The following UBXN7 variants were observed in gnomAD, a reference collection of about 807,000 sequenced individuals.
UBXN7 encodes UBX domain protein 7.
UBXN7 carries 9 observed loss-of-function variants against 58.0 expected under a neutral mutation model. That is an observed-to-expected ratio of 0.16 (90% CI 0.09 to 0.27). UBXN7 has a LOEUF of 0.27. Among genes scored for constraint, UBXN7 ranks in the 10% least tolerant of loss-of-function variants. The probability of loss-of-function intolerance (pLI) is 1.00; values close to 1 mark genes in which losing one functional copy is unlikely to be tolerated. For missense variants in UBXN7, 328 were observed against 599.6 expected (o/e 0.55, Z 4.73); for synonymous variants, 208 against 205.0 (o/e 1.01, Z -0.12).
chr3:196,376,212 A>G (rs944662728), intron 5 of UBXN7, among the ~76,000 whole-genome samples: 1 of 152,172 alleles, frequency 6.6e-6, no homozygotes, highest in Admixed American at 6.5e-5. Flanking sequence ...TAATTTGAAT[A>G]AAACTAAATG....
At chr3:196,427,750 G>A (rs943074087) in intron 1 of UBXN7, among the ~76,000 whole-genome samples, 2 of 152,236 alleles carry the variant, frequency 1.3e-5, no homozygotes, top group African/African-American at 4.8e-5. Flanking sequence ...TATCAGAGGA[G>A]ATCAAACAGT....
At chr3:196,380,739 C>T (rs530848659) in intron 5 of UBXN7, among the ~76,000 whole-genome samples, 1 of 152,346 alleles carries the variant, frequency 6.6e-6, no homozygotes, top group South Asian at 2.1e-4. Flanking sequence ...CAAGGGAAGC[C>T]GTGACAGACT....
chr3:196,419,070 A>G (rs1340322304), intron 1 of UBXN7, among the ~76,000 whole-genome samples: 1 of 152,184 alleles, frequency 6.6e-6, no homozygotes, highest in Non-Finnish European at 1.5e-5. Context: ...GTTGGAGACC[A>G]GCCTGGCCCA....
At chr3:196,397,116 C>G (rs1316911438) in intron 3 of UBXN7, among the ~76,000 whole-genome samples, 2 of 152,174 alleles carry the variant, frequency 1.3e-5, no homozygotes, top group African/African-American at 4.8e-5. Context: ...CTGCTACCTG[C>G]CTTTTCAATG....
At chr3:196,427,027 T>C (rs1730871751) in intron 1 of UBXN7, among the ~76,000 whole-genome samples, 1 of 152,220 alleles carries the variant, frequency 6.6e-6, no homozygotes, top group South Asian at 2.1e-4. Flanking sequence ...CACAAAGCTC[T>C]ATGAATTTCC....
chr3:196,350,508 T>C lies in UBXN7; in HGVS notation c.*6177A>G, dbSNP rs1728184323. The C allele has an allele frequency of 6.6e-6, 1 of 150,700 alleles. No homozygotes were observed. Among genetic ancestry groups the C allele is most frequent in the Non-Finnish European group, 1.5e-5 (1 of 67,562 alleles). The allele number at this position is 150,700 out of a possible 1,614,324, so 9.3% of individuals were successfully genotyped here. ...ACATAGCCAATTACACTAAAAATCATAACTATTTTCAGAGAATGAATGTTA... is the reference window on the plus strand; with the variant it reads ...ACATAGCCAATTACACTAAAAATCACAACTATTTTCAGAGAATGAATGTTA... On this transcript the variant is annotated 3_prime_UTR_variant, in exon 11 of 11. Coordinates refer to ENST00000296328, the MANE Select transcript of UBXN7 (RefSeq NM_015562.2).
At chr3:196,377,101 A>T (rs1729053069) in intron 5 of UBXN7, among the ~76,000 whole-genome samples, 1 of 152,042 alleles carries the variant, frequency 6.6e-6, no homozygotes, top group African/African-American at 2.4e-5. Flanking sequence ...TTCTTTCTGT[A>T]CAATATTCCT....
At chr3:196,416,775 T>C (rs1189363347) in intron 1 of UBXN7, among the ~76,000 whole-genome samples, 1 of 152,222 alleles carries the variant, frequency 6.6e-6, no homozygotes, top group East Asian at 1.9e-4. Flanking sequence ...TAAGGATGTA[T>C]CAATCATTTC....
At chr3:196,394,803 C>T (rs190343609) in intron 3 of UBXN7, among the ~76,000 whole-genome samples, 1 of 152,234 alleles carries the variant, frequency 6.6e-6, no homozygotes, top group African/African-American at 2.4e-5. Flanking sequence ...GGATTGGACC[C>T]ACGTGCAGAA....
At chr3:196,418,273 G>T (rs1322754429) in intron 1 of UBXN7, among the ~76,000 whole-genome samples, 1 of 138,998 alleles carries the variant, frequency 7.2e-6, no homozygotes, top group Non-Finnish European at 1.6e-5. Flanking sequence ...AGGGAGGGAG[G>T]GAAGGAGGGA....
At chr3:196,397,493 G>C (rs1275051345) in intron 3 of UBXN7, 1 of 152,240 alleles carries the variant, frequency 6.6e-6, no homozygotes, top group Non-Finnish European at 1.5e-5. Context: ...AGGGAGTAGT[G>C]GGCTTTTTGT....
chr3:196,429,257 G>A (rs1008174931), intron 1 of UBXN7, among the ~76,000 whole-genome samples: 10 of 151,766 alleles, frequency 6.6e-5, no homozygotes, highest in African/African-American at 2.4e-4. Context: ...AACCTGGGAG[G>A]CAGAGCTTGC....
intron 4 of UBXN7, among the ~76,000 whole-genome samples, chr3:196,392,230 G>A (rs947984977): frequency 3.3e-5 from 5 of 152,036 alleles, no homozygotes; most frequent in South Asian, 2.1e-4. Context: ...GGCTGAGTGC[G>A]GTGGCTCATG....
At chr3:196,385,818 GC>G (rs1370810578) in intron 5 of UBXN7, among the ~76,000 whole-genome samples, 1 of 151,548 alleles carries the variant, frequency 6.6e-6, no homozygotes, top group South Asian at 2.1e-4. Context: ...CCTCTGCCCG[GC>G]CGCCCCGTCT....
At chr3:196,416,742 A>C (rs2053770168) in intron 1 of UBXN7, among the ~76,000 whole-genome samples, 1 of 152,222 alleles carries the variant, frequency 6.6e-6, no homozygotes, top group South Asian at 2.1e-4. Context: ...ATTCTATTTA[A>C]AAATATGAAG....
chr3:196,410,248 G>A (rs943343724), intron 1 of UBXN7, among the ~76,000 whole-genome samples: 2 of 152,052 alleles, frequency 1.3e-5, no homozygotes, highest in African/African-American at 4.8e-5. Context: ...CCTAAAAAAT[G>A]TTTTTTAAAT....
chr3:196,388,235 T>A (rs1039960312), intron 5 of UBXN7, among the ~76,000 whole-genome samples: 3 of 147,266 alleles, frequency 2.0e-5, no homozygotes, highest in South Asian at 2.1e-4. Flanking sequence ...CAGGTGGGTA[T>A]TGAACAATGA....
intron 5 of UBXN7, among the ~76,000 whole-genome samples, chr3:196,374,801 T>C (rs1178615156): frequency 7.3e-6 from 1 of 137,666 alleles, no homozygotes. Flanking sequence ...TGCTTGAACC[T>C]GGGTGGCAGA....
intron 5 of UBXN7, among the ~76,000 whole-genome samples, chr3:196,382,898 G>A (rs1197627378): frequency 2.6e-5 from 4 of 152,130 alleles, no homozygotes; most frequent in Non-Finnish European, 4.4e-5. Context: ...GGCAGATCAC[G>A]AGGTCAGGAG....
Sources: allele counts gnomAD v4.1 joint callset (sites outside exome capture counted in the v4.1 genomes callset), GRCh38; gene constraint gnomAD v4.1.1; transcripts MANE v1.5; gene names NCBI Gene and HGNC (gene_info 2026-07-23, HGNC 2026-07-21).